Variants in FOXK2 observed in about 807,000 individuals in gnomAD.
The protein encoded by FOXK2 is forkhead box protein K2.
In FOXK2, 24 loss-of-function variants were observed where a neutral mutation model predicts 53.3. The ratio of observed to expected loss-of-function variants is 0.45; its 90% CI spans 0.33 to 0.63. FOXK2 has a LOEUF of 0.63. Ranked by LOEUF, FOXK2 falls within the 30% of genes least tolerant of loss-of-function variation. FOXK2 has a pLI of 0.03. For missense variants in FOXK2, 952 were observed against 910.5 expected (o/e 1.05, Z -0.59); for synonymous variants, 505 against 407.1 (o/e 1.24, Z -2.89).
intron 1 of FOXK2, among the ~76,000 whole-genome samples, chr17:82,534,641 G>T (rs1161203952): frequency 1.3e-5 from 2 of 152,200 alleles, no homozygotes; most frequent in Non-Finnish European, 2.9e-5. Context: ...ATGGTCTCTA[G>T]CTCTGATCCT....
At position 82,587,284 on chromosome 17, in the gene FOXK2, T is replaced by C; in HGVS notation, c.1786+12T>C. 1 of 1,607,200 alleles carries C rather than the reference T, an allele frequency of 6.2e-7. No homozygotes were observed. Among genetic ancestry groups the C allele is most frequent in the Non-Finnish European group, 8.5e-7 (1 of 1,175,386 alleles). ...CCAGGTGAACAATGGTAAGACATGC[T>C]GGTCGGTGGCTCCCCGTGGCTGTGG... On this transcript the variant is annotated intron_variant, in intron 8 of 8. Coordinates refer to ENST00000335255, the MANE Select transcript of FOXK2 (RefSeq NM_004514.4).
chr17:82,588,904 A>AAG (rs1478669575), intron 8 of FOXK2, among the ~76,000 whole-genome samples: 242 of 130,566 alleles, frequency 1.9e-3, no homozygotes, highest in African/African-American at 7.1e-3. Context: ...AAAAAAAAAA[A>AAG]ACAAATTAGC....
chr17:82,520,434 AC>A, intron 1 of FOXK2, 127 bp downstream of exon 1: 1 of 814,414 alleles, frequency 1.2e-6, no homozygotes, highest in Non-Finnish European at 1.6e-6. Context: ...AGCCGGGACC[AC>A]CAGCGGGACC....
chr17:82,601,431 G>C lies in FOXK2; in HGVS notation c.1915G>C (p.Gly639Arg). 6.2e-7 allele frequency: 1 copy of C among 1,612,834 alleles called. No individual in the cohort carries two copies. Residue 639 changes from glycine (G) to arginine (R), a missense_variant, in exon 9 of 9, where the codon GGC becomes CGC. By Grantham distance (125) the Gly-to-Arg change is moderately radical. This residue lies in a region of FOXK2 where 551 missense variants were observed against 385.1 expected (regional missense o/e 1.43). Coordinates refer to ENST00000335255, the MANE Select transcript of FOXK2 (RefSeq NM_004514.4). ...GCGGATCAAGACAGAAGACGGCGAGGGCATCGTCATTGCCCTGAGCGTGGA... is the reference window on the plus strand; with the variant it reads ...GCGGATCAAGACAGAAGACGGCGAGCGCATCGTCATTGCCCTGAGCGTGGA... ...LKRIKTEDGE[G>R]IVIALSVDTP...
intron 1 of FOXK2, among the ~76,000 whole-genome samples, chr17:82,522,642 A>G (rs2044375398): frequency 6.6e-6 from 1 of 151,724 alleles, no homozygotes; most frequent in African/African-American, 2.4e-5. Context: ...AAGTGCTGCG[A>G]TTACAGGCAT....
chr17:82,534,369 T>C (rs1173476555), intron 1 of FOXK2, among the ~76,000 whole-genome samples: 1 of 152,192 alleles, frequency 6.6e-6, no homozygotes, highest in Non-Finnish European at 1.5e-5. Context: ...GCACATGACT[T>C]GTCGTACTGC....
At position 82,589,578 on chromosome 17, in the gene FOXK2, T is replaced by C. The variant is rs114700675; in HGVS notation, c.1786+2306T>C. Among the ~76,000 whole-genome samples the C allele has an allele frequency of 5.7e-3, 874 of 152,264 alleles. 12 individuals are homozygous for C. Among genetic ancestry groups the C allele is most frequent in the African/African-American group, 0.019 (807 of 41,534 alleles). Reference sequence around the variant, plus strand: ...TTCACTGATGGTTGCACAGTCCTAGTGTCAACACTGAGGGCCTGTTTCCAC... The same window carrying C: ...TTCACTGATGGTTGCACAGTCCTAGCGTCAACACTGAGGGCCTGTTTCCAC... On this transcript the variant is annotated intron_variant, in intron 8 of 8. Transcript: ENST00000335255.
At position 82,601,276 on chromosome 17, in the gene FOXK2, G is replaced by A. The variant is rs768185259; in HGVS notation, c.1787-27G>A. ...CGCGAGGGTTCACGTGAGAGCGTGG[G>A]GTTCTGACTCCCTCGTGTCATTTCA... On this transcript the variant is annotated intron_variant, in intron 8 of 8. Coordinates refer to ENST00000335255, the MANE Select transcript of FOXK2 (RefSeq NM_004514.4). 8 of 1,599,854 alleles carry A rather than the reference G, an allele frequency of 5.0e-6. No individual in the cohort carries two copies. The Admixed American group carries it at 1.3e-4, about 27-fold the overall frequency.
chr17:82,597,360 G>C (rs1050268790), intron 8 of FOXK2, among the ~76,000 whole-genome samples: 4 of 152,236 alleles, frequency 2.6e-5, no homozygotes, highest in Non-Finnish European at 4.4e-5. Flanking sequence ...CTGCCCTGGA[G>C]GAGAGGGGTC....
chr17:82,537,781 G>T (rs915001459), intron 1 of FOXK2, among the ~76,000 whole-genome samples: 2 of 151,858 alleles, frequency 1.3e-5, no homozygotes, highest in Non-Finnish European at 2.9e-5. Context: ...AATTAGCCGG[G>T]CGTGGTGGTA....
intron 2 of FOXK2, among the ~76,000 whole-genome samples, chr17:82,563,996 C>T (rs1237972602): frequency 1.3e-5 from 2 of 151,964 alleles, no homozygotes; most frequent in Admixed American, 6.6e-5. Flanking sequence ...AAGTGATCCG[C>T]CCACCTCAGC....
Position 82,582,723 on chromosome 17 carries a change from T to C in FOXK2, c.910-18T>C. On this transcript the variant is annotated intron_variant, in intron 4 of 8. Transcript: ENST00000335255. Reference sequence around the variant, plus strand: ...CAAATAAATATATGAATTCTACGTATTTTTTTATGTTTCATAGAATTCAAT... The same window carrying C: ...CAAATAAATATATGAATTCTACGTACTTTTTTATGTTTCATAGAATTCAAT... 1.3e-6 allele frequency: 2 copies of C among 1,535,084 alleles called. No individual in the cohort carries two copies. The highest frequency in any genetic ancestry group is 1.7e-4 in the Middle Eastern group (1 of 5,762).
chr17:82,530,278 A>G (rs1419396556), intron 1 of FOXK2, among the ~76,000 whole-genome samples: 4 of 151,854 alleles, frequency 2.6e-5, no homozygotes, highest in African/African-American at 9.7e-5. Flanking sequence ...ATCTCCTGAG[A>G]TCGGGAGTTC....
chr17:82,572,618 T>C (rs2044931322), intron 4 of FOXK2, among the ~76,000 whole-genome samples: 1 of 152,190 alleles, frequency 6.6e-6, no homozygotes, highest in Admixed American at 6.5e-5. Context: ...TATGAGAATC[T>C]TGCTATTTGA....
chr17:82,576,491 A>G (rs948466597), intron 4 of FOXK2: 4 of 552,484 alleles, frequency 7.2e-6, no homozygotes, highest in Non-Finnish European at 1.3e-5. Flanking sequence ...AATACTTAAC[A>G]TAAATGAAGA....
intron 2 of FOXK2, among the ~76,000 whole-genome samples, chr17:82,564,672 A>C (rs1257546979): frequency 2.8e-5 from 4 of 143,960 alleles, no homozygotes; most frequent in Non-Finnish European, 6.1e-5. Flanking sequence ...TTTTTTCTTT[A>C]TTTTTTTTTT....
intron 1 of FOXK2, among the ~76,000 whole-genome samples, chr17:82,545,097 G>A (rs1348997578): frequency 6.6e-6 from 1 of 152,112 alleles, no homozygotes; most frequent in Admixed American, 6.6e-5. Context: ...TTCTGGAGGG[G>A]TTTCTTAGTT....
chr17:82,572,831 T>A (rs192981153), intron 4 of FOXK2, among the ~76,000 whole-genome samples: 112 of 152,294 alleles, frequency 7.4e-4, no homozygotes, highest in Non-Finnish European at 1.3e-3. Context: ...GGCAACTGTT[T>A]TCTATTTATT....
At chr17:82,523,490 G>A (rs1235501100) in intron 1 of FOXK2, among the ~76,000 whole-genome samples, 1 of 137,168 alleles carries the variant, frequency 7.3e-6, no homozygotes, top group African/African-American at 2.7e-5. Context: ...TTTTTTTTAA[G>A]ACAGAGTTTT....
Sources: allele counts gnomAD v4.1 joint callset (sites outside exome capture counted in the v4.1 genomes callset), GRCh38; gene constraint gnomAD v4.1.1; regional missense constraint gnomAD v4.1.1; transcripts MANE v1.5; gene names NCBI Gene and HGNC (gene_info 2026-07-23, HGNC 2026-07-21).